The following SMARCA2 variants were observed in gnomAD, a reference collection of about 807,000 sequenced individuals.
SMARCA2 encodes the protein SWI/SNF related BAF chromatin remodeling complex subunit ATPase 2.
In SMARCA2, 61 loss-of-function variants were observed where a neutral mutation model predicts 199.8. The ratio of observed to expected loss-of-function variants is 0.31; its 90% CI spans 0.25 to 0.38. SMARCA2 has a LOEUF of 0.38. SMARCA2 is among the 10% of genes least tolerant of loss of function. SMARCA2 has a pLI of 1.00. For synonymous variants in SMARCA2, 935 were observed against 732.0 expected (o/e 1.28, Z -4.48); for missense variants, 1,344 against 2,012.2 (o/e 0.67, Z 6.35).
chr9:2,056,928 A>G lies in SMARCA2; in HGVS notation c.1347+83A>G. 1 of 1,292,390 alleles carries G rather than the reference A, an allele frequency of 7.7e-7. No individual in the cohort carries two copies. Among genetic ancestry groups the G allele is most frequent in the Admixed American group, 2.2e-5 (1 of 45,392 alleles). The allele number at this position is 1,292,390 out of a possible 1,614,324, so 80.1% of individuals were successfully genotyped here. On this transcript the variant is annotated intron_variant, in intron 7 of 33. Transcript: ENST00000349721. This position sits in a 1 kb window ranked among gnomAD's most constrained non-coding sequence, Gnocchi z 4.0. ...ATCAAATGGGGTCAGAATGACTGAA[A>G]AATGGACCCTTGTGGGTGGTGGGGA...
At chr9:2,088,876 TAG>T (rs1821924141) in intron 19 of SMARCA2, among the ~76,000 whole-genome samples, 1 of 144,756 alleles carries the variant, frequency 6.9e-6, no homozygotes, top group Non-Finnish European at 1.5e-5. Context: ...ATTTTAATTT[TAG>T]ATTTTTTTTT....
At chr9:2,134,115 G>A (rs1168084527) in intron 27 of SMARCA2, among the ~76,000 whole-genome samples, 1 of 152,208 alleles carries the variant, frequency 6.6e-6, no homozygotes, top group African/African-American at 2.4e-5. Flanking sequence ...TTTCGAAGAA[G>A]ACCTAATGGA....
In SMARCA2 at chr9:2,030,975, CAG is replaced by C. The variant is rs565887137; in HGVS notation, c.225+1730_225+1731del. Among the ~76,000 whole-genome samples, 40 of 152,276 alleles carry C rather than the reference CAG, an allele frequency of 2.6e-4. 1 individual carries two copies. In the East Asian group the frequency reaches 5.8e-3, roughly 22 times the overall value. Reference sequence around the variant, plus strand: ...AAAAGGAAAACAATACTGAGATAAACAGATAATCTTACCTTCACCCCAAGTAA... The same window carrying C: ...AAAAGGAAAACAATACTGAGATAAACATAATCTTACCTTCACCCCAAGTAA... On this transcript the variant is annotated intron_variant, in intron 2 of 33. Coordinates refer to ENST00000349721, the MANE Select transcript of SMARCA2 (RefSeq NM_003070.5).
At position 2,127,962 on chromosome 9, in the gene SMARCA2, C is replaced by G. The variant is rs184536951; in HGVS notation, c.3981+4025C>G. Among the ~76,000 whole-genome samples the G allele has an allele frequency of 9.8e-3, 1,271 of 130,358 alleles. 24 individuals carry two copies. Among genetic ancestry groups the G allele is most frequent in the African/African-American group, 0.053 (1,198 of 22,670 alleles). The allele number at this position is 130,358 out of a possible 152,430, so 85.5% of individuals were successfully genotyped here. On this transcript the variant is annotated intron_variant, in intron 27 of 33. Transcript: ENST00000349721. ...GAGGATCACAATTTCAAACACAGTT[C>G]AGTTTTTTTTTTAAAGGTATTTTAC...
At chr9:2,037,313 G>T (rs1180630035) in intron 3 of SMARCA2, among the ~76,000 whole-genome samples, 1 of 152,204 alleles carries the variant, frequency 6.6e-6, no homozygotes, top group Admixed American at 6.5e-5. Flanking sequence ...AATTTTCTTG[G>T]CTAATTTATA....
chr9:2,040,186 C>A, intron 4 of SMARCA2: 3 of 610,608 alleles, frequency 4.9e-6, no homozygotes, highest in South Asian at 4.5e-5. Flanking sequence ...TTCAAGGTTT[C>A]TTGGAAGCCC....
chr9:2,095,783 T>A (rs1419968584), intron 19 of SMARCA2, among the ~76,000 whole-genome samples: 1 of 152,266 alleles, frequency 6.6e-6, no homozygotes, highest in East Asian at 1.9e-4. Context: ...TAAACATTAG[T>A]CAGCTTGCTG....
chr9:2,052,302 C>T (rs369413458), intron 5 of SMARCA2, among the ~76,000 whole-genome samples: 6 of 152,178 alleles, frequency 3.9e-5, no homozygotes, highest in Admixed American at 2.0e-4. Context: ...GGCAAAACCC[C>T]GTCTCTACTA....
intron 29 of SMARCA2, among the ~76,000 whole-genome samples, chr9:2,173,667 T>A (rs1586790480): frequency 6.6e-6 from 1 of 152,130 alleles, no homozygotes; most frequent in Non-Finnish European, 1.5e-5. Flanking sequence ...TCATGATGCT[T>A]CCCAGAGTGA....
rs1828039367 is a variant in SMARCA2, at chr9:2,193,578, T to C, written c.*839T>C. ...ATAAAATTCCAGTAATTTCGAAGAA[T>C]GTGGTGTTGGTGCTTTCCTAATAAA... On this transcript the variant is annotated 3_prime_UTR_variant, in exon 34 of 34. Transcript: ENST00000349721. The C allele has an allele frequency of 6.6e-6, 1 of 152,658 alleles. No individual in the cohort carries two copies. 9.5% of individuals were successfully genotyped at this position (152,658 alleles called of 1,614,324 possible).
intron 29 of SMARCA2, among the ~76,000 whole-genome samples, chr9:2,179,664 T>A (rs1826874555): frequency 6.6e-6 from 1 of 152,114 alleles, no homozygotes; most frequent in Non-Finnish European, 1.5e-5. Flanking sequence ...CTTATTTATT[T>A]CACCAGTAGC....
Position 2,016,888 on chromosome 9 carries a change from C to T in SMARCA2, c.-37+1484C>T, listed in dbSNP as rs1042162663. On this transcript the variant is annotated intron_variant, in intron 1 of 33. Coordinates refer to ENST00000349721, the MANE Select transcript of SMARCA2 (RefSeq NM_003070.5). This position sits in a 1 kb window ranked among gnomAD's most constrained non-coding sequence, Gnocchi z 5.6. ...ACGGCCATGCCATCTGCAAAGGTGT[C>T]GCGATGCACTTCCCTAAATAACCGG... Among the ~76,000 whole-genome samples, 1 of 152,198 alleles carries T rather than the reference C, an allele frequency of 6.6e-6. No individual in the cohort carries two copies. The highest frequency in any genetic ancestry group is 1.5e-5 in the Non-Finnish European group (1 of 68,022).
rs6475447 is a variant in SMARCA2, at chr9:2,058,133, T to C, written c.1348-158T>C. On this transcript the variant is annotated intron_variant, in intron 7 of 33. Coordinates refer to ENST00000349721, the MANE Select transcript of SMARCA2 (RefSeq NM_003070.5). The stretch of plus-strand genomic sequence containing the variant: ...CCCACCAGCCCCATGGCCCACACCT[T>C]AACTGCAGAGACACCAGGGCACCTA... 0.33 allele frequency: 214,365 copies of C among 659,484 alleles called. 39,760 individuals carry two copies. The highest frequency in any genetic ancestry group is 0.7 in the African/African-American group (38,680 of 55,622). 40.9% of individuals were successfully genotyped at this position (659,484 alleles called of 1,614,324 possible). A position where few individuals can be genotyped will look rare whatever the true frequency, so the allele number is the denominator to read the frequency against.
intron 21 of SMARCA2, among the ~76,000 whole-genome samples, chr9:2,099,417 A>T (rs1387814137): frequency 6.6e-6 from 1 of 152,190 alleles, no homozygotes. Context: ...TTTGGTTATC[A>T]TAAAAGAAAT....
Position 2,152,254 on chromosome 9 carries a change from A to G in SMARCA2, c.3982-9432A>G, listed in dbSNP as rs564019999. 2.6e-5 allele frequency among the ~76,000 whole-genome samples: 4 copies of G among 152,318 alleles called. No individual in the cohort carries two copies. In the South Asian group the frequency reaches 8.3e-4, roughly 32 times the overall value. Reference sequence around the variant, plus strand: ...TCTTTTGGAAGACAACCCTATCAAGAACTTAAGTGAAGAAAGGCTGGGTGC... The same window carrying G: ...TCTTTTGGAAGACAACCCTATCAAGGACTTAAGTGAAGAAAGGCTGGGTGC... On this transcript the variant is annotated intron_variant, in intron 27 of 33. Transcript: ENST00000349721.
At chr9:2,125,616 A>C (rs1249044193) in intron 27 of SMARCA2, among the ~76,000 whole-genome samples, 2 of 150,386 alleles carry the variant, frequency 1.3e-5, no homozygotes, top group African/African-American at 4.9e-5. Context: ...CAGCCTCCCC[A>C]GTAGCTGGGA....
chr9:2,070,606 ATAG>A (rs1821048602), intron 10 of SMARCA2, 135 bp downstream of exon 10: 1 of 635,066 alleles, frequency 1.6e-6, no homozygotes, highest in African/African-American at 1.8e-5. Context: ...ATACATTAGC[ATAG>A]TAGAAAATTA....
At chr9:2,040,718 C>G (rs1819568306) in intron 4 of SMARCA2, 1 of 152,328 alleles carries the variant, frequency 6.6e-6, no homozygotes, top group East Asian at 1.9e-4. Context: ...CTAACAGATT[C>G]AACATGGCCT....
chr9:2,138,378 G>A (rs887901760), intron 27 of SMARCA2, among the ~76,000 whole-genome samples: 1 of 152,090 alleles, frequency 6.6e-6, no homozygotes, highest in Non-Finnish European at 1.5e-5. Flanking sequence ...CTTTCCTTGA[G>A]GCAAAACTTG....
Sources: allele counts gnomAD v4.1 joint callset (sites outside exome capture counted in the v4.1 genomes callset), GRCh38; gene constraint gnomAD v4.1.1; non-coding constraint Gnocchi (gnomAD v3.1); transcripts MANE v1.5; gene names NCBI Gene and HGNC (gene_info 2026-07-23, HGNC 2026-07-21).